The following RPP30 variants were observed in gnomAD, a reference collection of about 807,000 sequenced individuals.
The protein encoded by RPP30 is ribonuclease P protein subunit p30.
In RPP30, 36 loss-of-function variants were observed where a neutral mutation model predicts 38.6. The observed-to-expected ratio is 0.93, with a 90% CI of 0.71 to 1.23. The LOEUF is 1.23. RPP30 is among the 50% of genes most tolerant of loss of function. The pLI is 0.00. For synonymous variants in RPP30, 126 were observed against 112.7 expected, an observed-to-expected ratio of 1.12 and a Z score of -0.75; for missense variants, 321 against 321.7, an observed-to-expected ratio of 1.00 and a Z score of 0.02.
chr10:90,875,715 G>T (rs915778271), intron 3 of RPP30, 101 bp downstream of exon 3: 1 of 984,812 alleles, frequency 1.0e-6, no homozygotes, highest in African/African-American at 1.6e-5. Flanking sequence ...CTTACTCTGA[G>T]TACCAGTCTT....
At chr10:90,883,639 AGC>A (rs556033967) in intron 5 of RPP30, among the ~76,000 whole-genome samples, 69 of 152,310 alleles carry the variant, frequency 4.5e-4, no homozygotes, top group African/African-American at 1.2e-3. Context: ...ACCAACATAG[AGC>A]CATTGTTTAA....
At chr10:90,872,439 A>G (rs1307982551) in intron 1 of RPP30, among the ~76,000 whole-genome samples, 1 of 143,244 alleles carries the variant, frequency 7.0e-6, no homozygotes, top group African/African-American at 2.8e-5. Context: ...GTCTAAACAA[A>G]TACTGGAATT....
intron 6 of RPP30, among the ~76,000 whole-genome samples, chr10:90,887,905 C>T (rs1847021700): frequency 6.6e-6 from 1 of 152,206 alleles, no homozygotes; most frequent in Non-Finnish European, 1.5e-5. Flanking sequence ...TGTAGTCACA[C>T]AGGGTTAGGA....
Position 90,902,032 on chromosome 10 carries a change from C to T in RPP30, c.*1353C>T, listed in dbSNP as rs1006413709. ...CAGGATGGTCTCAATCTCCTGACCT[C>T]ATATTCCACCCGCCTCGGCCTCCCA... On this transcript the variant is annotated 3_prime_UTR_variant, in exon 11 of 11. Transcript: ENST00000371703. 7.4e-5 allele frequency: 44 copies of T among 594,040 alleles called. No homozygotes were observed. The highest frequency in any genetic ancestry group is 8.9e-5 in the Non-Finnish European group (42 of 471,992). The allele number at this position is 594,040 out of a possible 1,614,324, so 36.8% of individuals were successfully genotyped here.
Position 90,901,820 on chromosome 10 carries a change from A to AT in RPP30, c.*1141_*1142insT. ...CTGTTCTGCGGGTTGGAGAAAATACAATTTTTTTTTTTTTTTTTGAGACAG... is the reference window on the plus strand; with the variant it reads ...CTGTTCTGCGGGTTGGAGAAAATACATATTTTTTTTTTTTTTTTTGAGACAG... On this transcript the variant is annotated 3_prime_UTR_variant, in exon 11 of 11. Coordinates refer to ENST00000371703, the MANE Select transcript of RPP30 (RefSeq NM_006413.5). The AT allele has an allele frequency of 1.1e-6, 1 of 940,592 alleles. No individual in the cohort carries two copies. The highest frequency in any genetic ancestry group is 1.2e-6 in the Non-Finnish European group (1 of 811,432). 58.3% of individuals were successfully genotyped at this position (940,592 alleles called of 1,614,324 possible).
downstream of RPP30, chr10:90,903,262 A>G: frequency 1.9e-6 from 3 of 1,606,634 alleles, no homozygotes; most frequent in Non-Finnish European, 2.6e-6. Flanking sequence ...ACAGGCTTTG[A>G]CCCTTCTTTA....
At chr10:90,906,449 G>A (rs908764074), downstream of RPP30, among the ~76,000 whole-genome samples, 6 of 152,172 alleles carry the variant, frequency 3.9e-5, no homozygotes, top group African/African-American at 1.4e-4. Flanking sequence ...AGAATAAAGA[G>A]TTAACAGCAG....
downstream of RPP30, chr10:90,903,318 T>TA: frequency 7.5e-7 from 1 of 1,325,906 alleles, no homozygotes; most frequent in Non-Finnish European, 1.1e-6. Flanking sequence ...AAGCTTAAAA[T>TA]GCTTAACAGG....
chr10:90,895,581 AT>A, intron 8 of RPP30, 98 bp downstream of exon 8: 4 of 696,984 alleles, frequency 5.7e-6, no homozygotes, highest in Non-Finnish European at 4.4e-6. Flanking sequence ...TATTTGTTGC[AT>A]TTTTTTCTAT....
chr10:90,879,588 C>T (rs542390084), intron 5 of RPP30, among the ~76,000 whole-genome samples: 2 of 152,294 alleles, frequency 1.3e-5, no homozygotes, highest in South Asian at 4.1e-4. Flanking sequence ...GCCCATATGC[C>T]AGCATGATTG....
rs1847201714 is a variant in RPP30, at chr10:90,901,450, A to G, written c.*771A>G. The G allele has an allele frequency of 1.0e-6, 1 of 985,106 alleles. No individual in the cohort carries two copies. Among genetic ancestry groups the G allele is most frequent in the African/African-American group, 1.7e-5 (1 of 57,238 alleles). The allele number at this position is 985,106 out of a possible 1,614,324, so 61.0% of individuals were successfully genotyped here. On this transcript the variant is annotated 3_prime_UTR_variant, in exon 11 of 11. Transcript: ENST00000371703. Reference sequence around the variant, plus strand: ...GCATTTTTTTCTAAGAAATTGCTATAGAATTTGTGGAAGGAGAGAGGATAC... The same window carrying G: ...GCATTTTTTTCTAAGAAATTGCTATGGAATTTGTGGAAGGAGAGAGGATAC...
At chr10:90,888,364 T>C (rs1365125750) in intron 6 of RPP30, among the ~76,000 whole-genome samples, 6 of 152,212 alleles carry the variant, frequency 3.9e-5, no homozygotes, top group African/African-American at 1.4e-4. Flanking sequence ...AGTGGTAAGA[T>C]TCCCAGTGGC....
Position 90,872,069 on chromosome 10 carries a change from G to A in RPP30, c.82+1G>A, listed in dbSNP as rs755781324. The A allele has an allele frequency of 1.5e-5, 25 of 1,613,728 alleles. No homozygotes were observed. The highest frequency in any genetic ancestry group is 2.0e-5 in the Non-Finnish European group (24 of 1,179,718). On this transcript the variant is annotated splice_donor_variant, in intron 1 of 10. Coordinates refer to ENST00000371703, the MANE Select transcript of RPP30 (RefSeq NM_006413.5). LOFTEE classifies it high-confidence loss of function. The stretch of plus-strand genomic sequence containing the variant: ...GGACTTGTGGAGACAGCCGCTCACC[G>A]TGAGTTGCCCCGGCTTCGCGCCTGG...
At position 90,883,051 on chromosome 10, in the gene RPP30, A is replaced by G. The variant is rs1160116490; in HGVS notation, c.343-2761A>G. Among the ~76,000 whole-genome samples, 3 of 152,244 alleles carry G rather than the reference A, an allele frequency of 2.0e-5. No homozygotes were observed. The East Asian group carries it at 5.8e-4, about 29-fold the overall frequency. ...TGTCTCCATTTTTGATACATTCTTT[A>G]GGGGAGTTTTGTACACATTAAAGTT... On this transcript the variant is annotated intron_variant, in intron 5 of 10. Coordinates refer to ENST00000371703, the MANE Select transcript of RPP30 (RefSeq NM_006413.5).
intron 5 of RPP30, among the ~76,000 whole-genome samples, chr10:90,880,400 A>T (rs545793298): frequency 6.6e-6 from 1 of 152,174 alleles, no homozygotes; most frequent in African/African-American, 2.4e-5. Context: ...ATGAGTGCCT[A>T]CTCTTTTTGT....
chr10:90,875,404 A>G (rs1431953305), intron 2 of RPP30, among the ~76,000 whole-genome samples, 154 bp from the exon 3 acceptor site: 2 of 152,132 alleles, frequency 1.3e-5, no homozygotes, highest in Admixed American at 6.5e-5. Context: ...CTTTTTAAAA[A>G]TAATTTTTAA....
chr10:90,907,383 C>T (rs912943370), downstream of RPP30, among the ~76,000 whole-genome samples: 1 of 152,150 alleles, frequency 6.6e-6, no homozygotes, highest in Non-Finnish European at 1.5e-5. Context: ...CAATGAAATC[C>T]CCAATGCCTG....
chr10:90,896,378 C>G lies in RPP30; in HGVS notation c.683C>G (p.Ala228Gly), dbSNP rs535330785. 3 of 1,613,902 alleles carry G rather than the reference C, an allele frequency of 1.9e-6. No homozygotes were observed. The highest frequency in any genetic ancestry group is 2.5e-6 in the Non-Finnish European group (3 of 1,179,788). Residue 228 changes from alanine (A) to glycine (G), a missense_variant, in exon 10 of 11, where the codon GCG (alanine) becomes GGG (glycine). By Grantham distance (60) the Ala-to-Gly change is moderately conservative. Transcript: ENST00000371703. ...GCGGTGTCCACCAACTGCCGAGCAG[C>G]GCTTCTCCATGGAGGTAAGCAAGTT... Reference protein sequence around the residue: ...KAAVSTNCRAALLHGETRKTA... With the variant: ...KAAVSTNCRAGLLHGETRKTA...
rs1030659043 is a variant in RPP30, at chr10:90,900,613, A to G, written c.741A>G (p.Lys247=). The part of the protein sequence containing the change: ...TAFGIISTVK[K]PRPSEGDEDC... ...TTGGAATTATCTCTACAGTGAAGAA[A>G]CCTCGGCCATCAGAAGGAGATGAAG... The change falls in exon 11 of 11, where the codon AAA becomes AAG. Residue 247 remains lysine, a synonymous_variant. Transcript: ENST00000371703. The G allele has an allele frequency of 1.2e-6, 2 of 1,613,650 alleles. No homozygotes were observed. Among genetic ancestry groups the G allele is most frequent in the African/African-American group, 2.7e-5 (2 of 75,048 alleles).
Sources: gnomAD v4.1 joint callset for allele counts (sites outside exome capture counted in the v4.1 genomes callset) on GRCh38, gnomAD v4.1.1 for gene constraint, MANE v1.5 for transcripts, NCBI Gene and HGNC (gene_info 2026-07-23, HGNC 2026-07-21) for gene names.